PTPN9: variants seen among roughly 807,000 people sequenced by gnomAD.
PTPN9 encodes the protein protein tyrosine phosphatase non-receptor type 9.
A neutral mutation model predicts 69.8 loss-of-function variants in PTPN9; 26 were observed. That is an observed-to-expected ratio of 0.37 (90% CI 0.27 to 0.52). The LOEUF (loss-of-function observed/expected upper bound fraction) is 0.52. PTPN9 is among the 20% of genes least tolerant of loss of function. The pLI, the probability that PTPN9 is intolerant of heterozygous loss-of-function variation, is 0.91. For synonymous variants in PTPN9, 274 were observed against 272.5 expected (o/e 1.01, Z -0.05); for missense variants, 549 against 740.3 (o/e 0.74, Z 3.00).
chr15:75,552,430 C>CA (rs1027743289), intron 1 of PTPN9, among the ~76,000 whole-genome samples: 39 of 151,738 alleles, frequency 2.6e-4, no homozygotes, highest in Non-Finnish European at 1.0e-4. Flanking sequence ...CAAAACAAAA[C>CA]AAAAAAACAG....
chr15:75,556,860 C>G (rs1411005393), intron 1 of PTPN9, among the ~76,000 whole-genome samples: 2 of 152,150 alleles, frequency 1.3e-5, no homozygotes, highest in Non-Finnish European at 2.9e-5. Flanking sequence ...ATTCCCCCTT[C>G]CCAACTTTCC....
At chr15:75,553,578 A>G (rs747663670) in intron 1 of PTPN9, among the ~76,000 whole-genome samples, 1 of 152,112 alleles carries the variant, frequency 6.6e-6, no homozygotes, top group Non-Finnish European at 1.5e-5. Flanking sequence ...TCTATGCCCC[A>G]GTAACACATT....
intron 5 of PTPN9, among the ~76,000 whole-genome samples, chr15:75,509,248 G>A (rs139222473): frequency 7.3e-4 from 111 of 152,310 alleles, no homozygotes; most frequent in Admixed American, 1.6e-3. Flanking sequence ...CTTGTCTACC[G>A]TAAGCTTTAT....
At chr15:75,528,694 C>T (rs538250344) in intron 1 of PTPN9, among the ~76,000 whole-genome samples, 1 of 136,550 alleles carries the variant, frequency 7.3e-6, no homozygotes, top group African/African-American at 2.7e-5. Flanking sequence ...GCCCTCAGCA[C>T]ATTTTTTTTT....
intron 8 of PTPN9, among the ~76,000 whole-genome samples, chr15:75,488,741 C>T (rs557259048): frequency 6.6e-6 from 1 of 152,286 alleles, no homozygotes; most frequent in East Asian, 1.9e-4. Flanking sequence ...GTGCAGTGAG[C>T]TACGATCAAG....
chr15:75,500,351 A>C (rs1278452002), intron 7 of PTPN9, among the ~76,000 whole-genome samples: 2 of 148,378 alleles, frequency 1.3e-5, no homozygotes, highest in African/African-American at 4.9e-5. Context: ...ACATACACAC[A>C]CACACACACA....
rs1000227782 is a variant in PTPN9, at chr15:75,465,945, C to G, written c.*2824G>C. 1.6e-4 allele frequency: 25 copies of G among 152,238 alleles called. No homozygotes were observed. Among genetic ancestry groups the G allele is most frequent in the African/African-American group, 6.0e-4 (25 of 41,456 alleles). 9.4% of individuals were successfully genotyped at this position (152,238 alleles called of 1,614,324 possible). A position where few individuals can be genotyped will look rare whatever the true frequency, so the allele number is the denominator to read the frequency against. On this transcript the variant is annotated 3_prime_UTR_variant, in exon 13 of 13. Coordinates refer to ENST00000618819, the MANE Select transcript of PTPN9 (RefSeq NM_002833.4). Reference sequence around the variant, plus strand: ...TCAGATTTCCAAGAATCTCTGTTCACTTCTTATGTTTGTGCACTCCCAAGA... The same window carrying G: ...TCAGATTTCCAAGAATCTCTGTTCAGTTCTTATGTTTGTGCACTCCCAAGA...
intron 2 of PTPN9, 128 bp downstream of exon 2, chr15:75,526,990 T>G: frequency 3.3e-6 from 4 of 1,200,450 alleles, no homozygotes; most frequent in Non-Finnish European, 4.7e-6. Flanking sequence ...GGCTCCTGGA[T>G]ATGGATCCAT....
chr15:75,472,779 CAAAA>C (rs71440239), intron 10 of PTPN9, among the ~76,000 whole-genome samples: 2 of 136,182 alleles, frequency 1.5e-5, no homozygotes, highest in African/African-American at 5.5e-5. Context: ...ACACCATCTC[CAAAA>C]AAAAAAAAAA....
At chr15:75,479,801 A>T in intron 9 of PTPN9, 47 bp downstream of exon 9, 1 of 1,472,830 alleles carries the variant, frequency 6.8e-7, no homozygotes, top group Non-Finnish European at 9.3e-7. Flanking sequence ...ACAAGGAATC[A>T]TAAGTAGATG....
intron 1 of PTPN9, among the ~76,000 whole-genome samples, chr15:75,551,681 A>C (rs1395984510): frequency 6.6e-6 from 1 of 152,158 alleles, no homozygotes; most frequent in African/African-American, 2.4e-5. Flanking sequence ...CCAAACAAGG[A>C]GGCTTACTAG....
At chr15:75,569,738 T>C (rs1441936166) in intron 1 of PTPN9, among the ~76,000 whole-genome samples, 2 of 151,088 alleles carry the variant, frequency 1.3e-5, no homozygotes, top group Non-Finnish European at 2.9e-5. Flanking sequence ...GTCTTTTCAA[T>C]TCATTCATAA....
intron 1 of PTPN9, among the ~76,000 whole-genome samples, chr15:75,542,036 A>AAAAAT (rs138310273): frequency 0.1 from 15,484 of 149,756 alleles, 1,601 homozygotes; most frequent in African/African-American, 0.26. Flanking sequence ...ATGCCATCTC[A>AAAAAT]AAAATAAAAT....
At chr15:75,517,746 A>C (rs1361977015) in intron 4 of PTPN9, among the ~76,000 whole-genome samples, 3 of 152,090 alleles carry the variant, frequency 2.0e-5, no homozygotes, top group Non-Finnish European at 4.4e-5. Flanking sequence ...CATGCTACCA[A>C]TTGTTTTTTC....
chr15:75,552,097 G>A (rs2075058811), intron 1 of PTPN9, among the ~76,000 whole-genome samples: 1 of 151,628 alleles, frequency 6.6e-6, no homozygotes, highest in Non-Finnish European at 1.5e-5. Context: ...ACTTAACAAT[G>A]GTACAAAAGT....
intron 7 of PTPN9, among the ~76,000 whole-genome samples, chr15:75,499,738 A>G (rs2074763114): frequency 6.6e-6 from 1 of 152,000 alleles, no homozygotes; most frequent in Non-Finnish European, 1.5e-5. Flanking sequence ...GGGAGACTCC[A>G]TAGTAGAAAT....
chr15:75,487,295 T>A (rs1025911071), intron 8 of PTPN9: 15 of 151,860 alleles, frequency 9.9e-5, no homozygotes, highest in African/African-American at 3.6e-4. Flanking sequence ...TAATTTTTTT[T>A]TTTTTGCTTT....
At chr15:75,472,276 G>A (rs185787207) in intron 10 of PTPN9, among the ~76,000 whole-genome samples, 2 of 151,204 alleles carry the variant, frequency 1.3e-5, no homozygotes, top group South Asian at 4.2e-4. Context: ...TGGCTAACAC[G>A]GTGAAACCCC....
At chr15:75,505,529 C>G (rs1028170458) in intron 7 of PTPN9, 146 bp downstream of exon 7, 11 of 539,130 alleles carry the variant, frequency 2.0e-5, no homozygotes, top group Admixed American at 1.7e-4. Context: ...TTTCTGCATG[C>G]GAGAAACCAT....
Sources: gnomAD v4.1 joint callset for allele counts (sites outside exome capture counted in the v4.1 genomes callset) on GRCh38, gnomAD v4.1.1 for gene constraint, MANE v1.5 for transcripts, NCBI Gene and HGNC (gene_info 2026-07-23, HGNC 2026-07-21) for gene names.